Variants in DSCAM observed in about 807,000 individuals in gnomAD.
The protein encoded by DSCAM is DS cell adhesion molecule, also known as cell adhesion molecule DSCAM.
In DSCAM, 47 loss-of-function variants were observed where a neutral mutation model predicts 217.7. That is an observed-to-expected ratio of 0.22 (90% CI 0.17 to 0.28). The LOEUF (loss-of-function observed/expected upper bound fraction) is 0.28, where lower values mean the gene tolerates loss of function less well. Among genes scored for constraint, DSCAM ranks in the 10% least tolerant of loss-of-function variants. The pLI, the probability that DSCAM is intolerant of heterozygous loss-of-function variation, is 1.00. For missense variants in DSCAM, 2,080 were observed against 2,618.3 expected (o/e 0.79, Z 4.49); for synonymous variants, 1,056 against 1,015.3 (o/e 1.04, Z -0.76).
chr21:40,355,415 T>C (rs1367460469), intron 4 of DSCAM, among the ~76,000 whole-genome samples: 3 of 152,260 alleles, frequency 2.0e-5, no homozygotes, highest in Non-Finnish European at 2.9e-5. Context: ...GGTGAGGAAA[T>C]TGATAAAATA....
chr21:40,277,729 G>C (rs990021725), intron 10 of DSCAM, among the ~76,000 whole-genome samples: 83 of 150,710 alleles, frequency 5.5e-4, no homozygotes, highest in African/African-American at 1.9e-3. Flanking sequence ...CGCCTCCTGG[G>C]TTCAAGTGAT....
Position 40,515,180 on chromosome 21 carries a change from TAAGA to T in DSCAM, c.509-145939_509-145936del, listed in dbSNP as rs151137667. ...TTTTCAAAAAGACTGCGAATTCATTTAAGAAAAAATAAAAATAACTTTTGCACAC... is the reference window on the plus strand; with the variant it reads ...TTTTCAAAAAGACTGCGAATTCATTTAAAAATAAAAATAACTTTTGCACAC... On this transcript the variant is annotated intron_variant, in intron 3 of 32. Coordinates refer to ENST00000400454, the MANE Select transcript of DSCAM (RefSeq NM_001389.5). Among the ~76,000 whole-genome samples, 57 of 152,324 alleles carry T rather than the reference TAAGA, an allele frequency of 3.7e-4. No homozygotes were observed. The East Asian group carries it at 0.011, about 28-fold the overall frequency.
intron 3 of DSCAM, among the ~76,000 whole-genome samples, chr21:40,425,218 G>A (rs2075460712): frequency 6.6e-6 from 1 of 152,002 alleles, no homozygotes; most frequent in East Asian, 1.9e-4. Context: ...AGATAATGAT[G>A]TAGCTGAGAT....
intron 15 of DSCAM, among the ~76,000 whole-genome samples, chr21:40,176,026 T>C (rs1408961450): frequency 6.6e-6 from 1 of 151,174 alleles, no homozygotes; most frequent in Non-Finnish European, 1.5e-5. Flanking sequence ...GACAGCAGGG[T>C]CCATGAAGAC....
At chr21:40,086,345 G>A (rs949766742) in intron 22 of DSCAM, among the ~76,000 whole-genome samples, 2 of 152,190 alleles carry the variant, frequency 1.3e-5, no homozygotes, top group African/African-American at 4.8e-5. Flanking sequence ...CCCACAACAG[G>A]CAGAATGCCA....
chr21:40,206,973 A>C (rs1447017345), intron 11 of DSCAM, among the ~76,000 whole-genome samples: 1 of 152,234 alleles, frequency 6.6e-6, no homozygotes, highest in African/African-American at 2.4e-5. Flanking sequence ...CAAGAAAAGA[A>C]AGACATTGCA....
chr21:40,755,036 A>C (rs1472255453), intron 1 of DSCAM, among the ~76,000 whole-genome samples: 1 of 152,192 alleles, frequency 6.6e-6, no homozygotes. Context: ...TTGCCACAAG[A>C]CATGGTGTGA....
At chr21:40,669,723 C>T (rs1214972766) in intron 3 of DSCAM, among the ~76,000 whole-genome samples, 4 of 151,866 alleles carry the variant, frequency 2.6e-5, no homozygotes, top group African/African-American at 7.3e-5. Context: ...GGATTACAGG[C>T]GTGTGCCACC....
chr21:40,383,008 G>A (rs1381756125), intron 3 of DSCAM: 4 of 152,192 alleles, frequency 2.6e-5, no homozygotes, highest in East Asian at 3.8e-4. Flanking sequence ...TTGGATATAC[G>A]TAAGCGCTGA....
intron 3 of DSCAM, among the ~76,000 whole-genome samples, chr21:40,644,506 C>T (rs1481227827): frequency 1.3e-5 from 2 of 152,168 alleles, no homozygotes; most frequent in African/African-American, 4.8e-5. Context: ...ACAGTAGTTT[C>T]CACCTCAGCC....
At chr21:40,341,741 T>G (rs1158938750) in intron 6 of DSCAM, among the ~76,000 whole-genome samples, 2 of 152,160 alleles carry the variant, frequency 1.3e-5, no homozygotes, top group Admixed American at 6.5e-5. Context: ...ACACTTAGAA[T>G]ATAATTAGAA....
At chr21:40,043,571 T>C (rs2088793296) in intron 31 of DSCAM, among the ~76,000 whole-genome samples, 1 of 152,176 alleles carries the variant, frequency 6.6e-6, no homozygotes, top group Non-Finnish European at 1.5e-5. Context: ...AAGTGAAAAC[T>C]TGGTGGTTGA....
intron 3 of DSCAM, among the ~76,000 whole-genome samples, chr21:40,608,238 T>C (rs1432466032): frequency 6.6e-6 from 1 of 152,260 alleles, no homozygotes. Context: ...ATGGCTACAA[T>C]TTTGAAATGC....
At chr21:40,015,651 G>A (rs535143222) in intron 32 of DSCAM, among the ~76,000 whole-genome samples, 63 of 152,204 alleles carry the variant, frequency 4.1e-4, no homozygotes, top group Non-Finnish European at 7.6e-4. Flanking sequence ...TTCCCAGGCT[G>A]GTCTCAAACT....
At chr21:40,747,298 A>G (rs1484026843) in intron 1 of DSCAM, among the ~76,000 whole-genome samples, 2 of 150,154 alleles carry the variant, frequency 1.3e-5, no homozygotes, top group Non-Finnish European at 3.0e-5. Context: ...ATAAAAAAAA[A>G]ACAACAAACC....
At chr21:40,112,409 T>C (rs2089910694) in intron 20 of DSCAM, among the ~76,000 whole-genome samples, 1 of 151,974 alleles carries the variant, frequency 6.6e-6, no homozygotes. Flanking sequence ...TGGGACACAT[T>C]TAAGACAGTA....
At chr21:40,248,245 G>T (rs1418190977) in intron 11 of DSCAM, among the ~76,000 whole-genome samples, 1 of 152,080 alleles carries the variant, frequency 6.6e-6, no homozygotes, top group African/African-American at 2.4e-5. Flanking sequence ...TTAACATTTG[G>T]CTCCTTGTTA....
chr21:40,272,639 G>A (rs755567475), intron 11 of DSCAM, among the ~76,000 whole-genome samples: 2 of 152,152 alleles, frequency 1.3e-5, no homozygotes, highest in African/African-American at 2.4e-5. Context: ...GGTCCTATCC[G>A]GAGAGTTTGG....
intron 3 of DSCAM, among the ~76,000 whole-genome samples, chr21:40,471,376 C>T (rs1468779307): frequency 6.6e-6 from 1 of 152,160 alleles, no homozygotes; most frequent in East Asian, 1.9e-4. Context: ...TCTATGCCTC[C>T]AGCCACCACA....
Sources: allele counts gnomAD v4.1 joint callset (sites outside exome capture counted in the v4.1 genomes callset), GRCh38; gene constraint gnomAD v4.1.1; transcripts MANE v1.5; gene names NCBI Gene and HGNC (gene_info 2026-07-23, HGNC 2026-07-21).